The following IGSF9B variants were observed in gnomAD, a reference collection of about 807,000 sequenced individuals.
IGSF9B encodes protein turtle homolog B.
In IGSF9B, 48 loss-of-function variants were observed where a neutral mutation model predicts 143.7. The observed-to-expected ratio is 0.33, with a 90% CI of 0.26 to 0.42. The LOEUF (loss-of-function observed/expected upper bound fraction) is 0.42. IGSF9B is among the 20% of genes least tolerant of loss of function. IGSF9B has a pLI of 1.00. For missense variants in IGSF9B, 1,706 were observed against 1,980.0 expected, an observed-to-expected ratio of 0.86 and a Z score of 2.63; for synonymous variants, 903 against 833.1, an observed-to-expected ratio of 1.08 and a Z score of -1.44.
Position 133,948,925 on chromosome 11 carries a change from G to A in IGSF9B, c.65-2667C>T, listed in dbSNP as rs984360221. 3.9e-5 allele frequency among the ~76,000 whole-genome samples: 6 copies of A among 152,238 alleles called. No individual in the cohort carries two copies. The highest frequency in any genetic ancestry group is 2.1e-4 in the South Asian group (1 of 4,830). ...CGCCAGGAGGTGGGTTGGCTTTGAC[G>A]TGGGTTCCCGCTGTGAGGCTGCTCA... On this transcript the variant is annotated intron_variant, in intron 1 of 19. Coordinates refer to ENST00000533871, the MANE Select transcript of IGSF9B (RefSeq NM_001277285.4). This position sits in a 1 kb window ranked among gnomAD's most constrained non-coding sequence, Gnocchi z 4.7.
At chr11:133,933,654 G>A (rs957139125) in intron 7 of IGSF9B, among the ~76,000 whole-genome samples, 4 of 152,144 alleles carry the variant, frequency 2.6e-5, no homozygotes, top group African/African-American at 4.8e-5. Flanking sequence ...AAGTTGAAGC[G>A]GGAGGATCAC....
Position 133,921,065 on chromosome 11 carries a change from G to A in IGSF9B, c.2660C>T (p.Pro887Leu), listed in dbSNP as rs267602785. 1.2e-6 allele frequency: 2 copies of A among 1,613,798 alleles called. No individual in the cohort carries two copies. ...CTCCTCGTCCGACTGGCGGAACTCGGGGTACATGTCCGTCTCCTCGGCGAA... is the reference window on the plus strand; with the variant it reads ...CTCCTCGTCCGACTGGCGGAACTCGAGGTACATGTCCGTCTCCTCGGCGAA... ...FPFAEETDMY[P>L]EFRQSDEENE... The change falls in exon 18 of 20, where the codon CCC becomes CTC. Residue 887 changes from proline to leucine, a missense_variant. Around this residue, in one of 7 missense-constraint regions of IGSF9B, gnomAD observed 880 missense variants for 762.9 expected, o/e 1.15. Coordinates refer to ENST00000533871, the MANE Select transcript of IGSF9B (RefSeq NM_001277285.4).
At chr11:133,930,955 C>CGCCCG (rs749127171) in intron 11 of IGSF9B, 29 bp downstream of exon 11, 1 of 1,583,884 alleles carries the variant, frequency 6.3e-7, no homozygotes, top group African/African-American at 1.3e-5. Flanking sequence ...CTGTCCCCGC[C>CGCCCG]GCCCGGCCCA....
Position 133,920,448 on chromosome 11 carries a change from C to G in IGSF9B, c.3277G>C (p.Gly1093Arg), listed in dbSNP as rs1330015129. ...TSLQVPAAYPGILSLEAPKGW... is the reference protein window; with the variant it reads ...TSLQVPAAYPRILSLEAPKGW... Reference sequence around the variant, plus strand: ...TTCGGTGCCTCCAGAGACAGGATGCCCGGGTAGGCCGCGGGCACCTGCAGG... The same window carrying G: ...TTCGGTGCCTCCAGAGACAGGATGCGCGGGTAGGCCGCGGGCACCTGCAGG... The change falls in exon 18 of 20, where the codon GGC becomes CGC. Residue 1093 changes from glycine to arginine, a missense_variant. By Grantham distance (125) the Gly-to-Arg change is moderately radical (BLOSUM62 -2). Coordinates refer to ENST00000533871, the MANE Select transcript of IGSF9B (RefSeq NM_001277285.4). The G allele has an allele frequency of 6.4e-7, 1 of 1,567,254 alleles. No homozygotes were observed. The highest frequency in any genetic ancestry group is 1.4e-5 in the African/African-American group (1 of 73,696).
At chr11:133,921,537 G>A in intron 17 of IGSF9B, 140 bp from the exon 18 acceptor site, 1 of 620,900 alleles carries the variant, frequency 1.6e-6, no homozygotes, top group Non-Finnish European at 2.6e-6. Context: ...GGTGTGAAAT[G>A]CTTTGGCCAA....
chr11:133,921,104 A>T lies in IGSF9B; in HGVS notation c.2621T>A (p.Ile874Asn). The change falls in exon 18 of 20, where the codon ATC becomes AAC. Residue 874 changes from isoleucine (I) to asparagine (N), a missense_variant. Coordinates refer to ENST00000533871, the MANE Select transcript of IGSF9B (RefSeq NM_001277285.4). ...CTCCTCGGCGAAGGGGAAGCCCTCGATGCGCCTGCTCTTCAGCGAGGGCTC... is the reference window on the plus strand; with the variant it reads ...CTCCTCGGCGAAGGGGAAGCCCTCGTTGCGCCTGCTCTTCAGCGAGGGCTC... Reference protein sequence around the residue: ...EMEPSLKSRRIEGFPFAEETD... With the variant: ...EMEPSLKSRRNEGFPFAEETD... The T allele has an allele frequency of 6.2e-7, 1 of 1,613,854 alleles. No individual in the cohort carries two copies. The highest frequency in any genetic ancestry group is 8.5e-7 in the Non-Finnish European group (1 of 1,179,872).
At chr11:133,950,365 T>C (rs1940135326) in intron 1 of IGSF9B, among the ~76,000 whole-genome samples, 1 of 152,222 alleles carries the variant, frequency 6.6e-6, no homozygotes, top group Non-Finnish European at 1.5e-5. Flanking sequence ...GGCTCTGTGC[T>C]GGGAACGCAG....
intron 19 of IGSF9B, among the ~76,000 whole-genome samples, chr11:133,910,922 A>T (rs934733109): frequency 9.9e-5 from 15 of 152,196 alleles, no homozygotes; most frequent in Non-Finnish European, 1.3e-4. Context: ...CCCTAAAAAC[A>T]TCATTTTCTT....
In IGSF9B at chr11:133,931,190, A is replaced by G; in HGVS notation, c.1369-56T>C. The stretch of plus-strand genomic sequence containing the variant: ...GGAACAGAAATGGGGGTTAGGAGAG[A>G]AGCCCGAAGCAGATGGGGAGGACGC... On this transcript the variant is annotated intron_variant, in intron 10 of 19. Transcript: ENST00000533871. This position sits in a 1 kb window ranked among gnomAD's most constrained non-coding sequence, Gnocchi z 7.7. 6.5e-7 allele frequency: 1 copy of G among 1,548,746 alleles called. No individual in the cohort carries two copies. The highest frequency in any genetic ancestry group is 8.8e-7 in the Non-Finnish European group (1 of 1,138,018).
chr11:133,924,158 G>A (rs918282166), intron 15 of IGSF9B, among the ~76,000 whole-genome samples: 1 of 152,150 alleles, frequency 6.6e-6, no homozygotes, highest in Admixed American at 6.5e-5. Context: ...GGTGCCCAAG[G>A]AAATGATGCC....
chr11:133,898,447 T>C lies in IGSF9B; in HGVS notation c.*10622A>G, dbSNP rs1249088629. On this transcript the variant is annotated 3_prime_UTR_variant, in exon 20 of 20. Transcript: ENST00000533871. Reference sequence around the variant, plus strand: ...CTAAAACTTGCCCCCAGGTGTGCGATGGGAGAATTCTATCCTGCATGATCA... The same window carrying C: ...CTAAAACTTGCCCCCAGGTGTGCGACGGGAGAATTCTATCCTGCATGATCA... 2 of 154,268 alleles carry C rather than the reference T, an allele frequency of 1.3e-5. No homozygotes were observed. Among genetic ancestry groups the C allele is most frequent in the African/African-American group, 4.8e-5 (2 of 41,610 alleles). 9.6% of individuals were successfully genotyped at this position (154,268 alleles called of 1,614,324 possible).
At position 133,905,947 on chromosome 11, in the gene IGSF9B, C is replaced by T. The variant is rs538026839; in HGVS notation, c.*3122G>A. ...CAGGCCCCGCTAAGAACCGTTTTCC[C>T]CTCTTCCTGGTCTGTGGGTCACCTG... is the stretch of plus-strand genomic sequence containing the variant. On this transcript the variant is annotated 3_prime_UTR_variant, in exon 20 of 20. Coordinates refer to ENST00000533871, the MANE Select transcript of IGSF9B (RefSeq NM_001277285.4). The surrounding 1 kb of genome is among the most constrained non-coding windows in gnomAD (Gnocchi z 4.0). 6.6e-6 allele frequency among the ~76,000 whole-genome samples: 1 copy of T among 152,370 alleles called. No homozygotes were observed. The highest frequency in any genetic ancestry group is 1.9e-4 in the East Asian group (1 of 5,180).
At chr11:133,926,846 T>C (rs923738043) in intron 13 of IGSF9B, 70 bp downstream of exon 13, 1 of 1,372,346 alleles carries the variant, frequency 7.3e-7, no homozygotes, top group Admixed American at 2.1e-5. Context: ...CCGACTGCTA[T>C]AGCTGCCTGG....
chr11:133,954,758 A>G (rs1006210478), intron 1 of IGSF9B, among the ~76,000 whole-genome samples: 2 of 152,098 alleles, frequency 1.3e-5, no homozygotes, highest in African/African-American at 4.8e-5. Flanking sequence ...CTTAACTACC[A>G]CACACAGAGC....
chr11:133,956,359 C>T (rs906400434), intron 1 of IGSF9B, among the ~76,000 whole-genome samples: 1 of 152,172 alleles, frequency 6.6e-6, no homozygotes, highest in Admixed American at 6.5e-5. Flanking sequence ...GGCCGCCGGG[C>T]AGGAGGCGAC....
intron 1 of IGSF9B, among the ~76,000 whole-genome samples, chr11:133,946,890 C>T (rs1940062017): frequency 1.3e-5 from 2 of 152,174 alleles, no homozygotes; most frequent in Admixed American, 1.3e-4. Flanking sequence ...AGGGAAACCC[C>T]GCAGGCTGAG....
At chr11:133,940,585 G>A (rs1016522892) in intron 3 of IGSF9B, among the ~76,000 whole-genome samples, 3 of 127,558 alleles carry the variant, frequency 2.4e-5, no homozygotes, top group African/African-American at 3.1e-5. Flanking sequence ...CACACACCTC[G>A]CATGTCCTCG....
Position 133,902,479 on chromosome 11 carries a change from ACAACACACACACACACCAGACATG to A in IGSF9B, c.*6566_*6589del, listed in dbSNP as rs1939152852. On this transcript the variant is annotated 3_prime_UTR_variant, in exon 20 of 20. Transcript: ENST00000533871. ...CCACACACAGATACACACACCACAC[ACAACACACACACACACCAGACATG>A]CACACCACACACAGACATGCACACC... Among the ~76,000 whole-genome samples the A allele has an allele frequency of 6.8e-6, 1 of 148,036 alleles. No homozygotes were observed.
intron 11 of IGSF9B, 141 bp from the exon 12 acceptor site, chr11:133,929,923 C>T (rs911156238): frequency 2.6e-5 from 16 of 615,992 alleles, no homozygotes; most frequent in Middle Eastern, 4.2e-4. Context: ...ATGGGGGCGA[C>T]GGGGATGCTC....
Sources: gnomAD v4.1 joint callset for allele counts (sites outside exome capture counted in the v4.1 genomes callset) on GRCh38, gnomAD v4.1.1 for gene constraint, gnomAD v4.1.1 regional missense constraint, Gnocchi (gnomAD v3.1) non-coding constraint, MANE v1.5 for transcripts, NCBI Gene and HGNC (gene_info 2026-07-23, HGNC 2026-07-21) for gene names.